GLIPR1L2: variants seen among roughly 807,000 people sequenced by gnomAD.
GLIPR1L2 encodes GLIPR1-like protein 2.
A neutral mutation model predicts 28.4 loss-of-function variants in GLIPR1L2; 21 were observed. The observed-to-expected ratio is 0.74, with a 90% CI of 0.52 to 1.06. GLIPR1L2 has a LOEUF of 1.06. Ranked by LOEUF, GLIPR1L2 falls within the 50% of genes least tolerant of loss-of-function variation. The pLI is 0.00. For synonymous variants in GLIPR1L2, 145 were observed against 139.3 expected (o/e 1.04, Z -0.29); for missense variants, 476 against 416.9 (o/e 1.14, Z -1.23).
intron 4 of GLIPR1L2, among the ~76,000 whole-genome samples, chr12:75,428,087 G>A (rs2046052738): frequency 6.6e-6 from 1 of 152,190 alleles, no homozygotes; most frequent in African/African-American, 2.4e-5. Context: ...ACCATTTGGA[G>A]GGCTCAGAAG....
intron 2 of GLIPR1L2, among the ~76,000 whole-genome samples, chr12:75,411,914 A>G (rs1193441430): frequency 1.3e-5 from 2 of 151,932 alleles, no homozygotes; most frequent in African/African-American, 2.4e-5. Context: ...TTTTACAGAT[A>G]ATTTCTGGAA....
intron 4 of GLIPR1L2, among the ~76,000 whole-genome samples, chr12:75,424,403 C>T (rs1219118953): frequency 2.6e-5 from 4 of 152,088 alleles, no homozygotes; most frequent in South Asian, 2.1e-4. Context: ...GCCCACTTTT[C>T]GATGGGGTTG....
intron 4 of GLIPR1L2, among the ~76,000 whole-genome samples, chr12:75,424,276 G>T (rs1347198621): frequency 2.0e-5 from 3 of 152,134 alleles, no homozygotes; most frequent in Non-Finnish European, 4.4e-5. Context: ...GGCATGAGAT[G>T]GTATCTCATT....
intron 1 of GLIPR1L2, among the ~76,000 whole-genome samples, chr12:75,400,470 G>A (rs1285650888): frequency 6.6e-6 from 1 of 152,094 alleles, no homozygotes; most frequent in Non-Finnish European, 1.5e-5. Flanking sequence ...TCTTGGAAAA[G>A]CAAGGTACAT....
At chr12:75,422,183 G>A (rs998070777) in intron 3 of GLIPR1L2, among the ~76,000 whole-genome samples, 4 of 151,688 alleles carry the variant, frequency 2.6e-5, no homozygotes, top group African/African-American at 9.7e-5. Context: ...TTGAAGAGAC[G>A]AGGTCTTGCT....
In GLIPR1L2 at chr12:75,430,096, T is replaced by C. The variant is rs557212320; in HGVS notation, c.671-619T>C. On this transcript the variant is annotated intron_variant, in intron 4 of 5. Transcript: ENST00000550916. ...GACTACAGGCAAAACCTCTTTTCTT[T>C]GTAAATTACCCAGTCTCAGGTAGTT... Among the ~76,000 whole-genome samples, 6 of 152,112 alleles carry C rather than the reference T, an allele frequency of 3.9e-5. No homozygotes were observed. The South Asian group carries it at 1.2e-3, about 32-fold the overall frequency.
intron 1 of GLIPR1L2, among the ~76,000 whole-genome samples, chr12:75,392,034 TG>T (rs1485199121): frequency 6.6e-6 from 1 of 152,178 alleles, no homozygotes; most frequent in African/African-American, 2.4e-5. Flanking sequence ...AACTATTCCC[TG>T]GTTGCTATTG....
At chr12:75,420,250 C>T (rs2045963552) in intron 3 of GLIPR1L2, among the ~76,000 whole-genome samples, 2 of 152,208 alleles carry the variant, frequency 1.3e-5, no homozygotes, top group Admixed American at 1.3e-4. Flanking sequence ...GCTAGGTTGT[C>T]AAGCTATGGG....
intron 4 of GLIPR1L2, 72 bp downstream of exon 4, chr12:75,423,061 A>C: frequency 6.2e-7 from 1 of 1,603,000 alleles, no homozygotes; most frequent in Non-Finnish European, 8.5e-7. Context: ...ATTGAACACT[A>C]GTTTTTTATG....
Position 75,410,657 on chromosome 12 carries a change from G to A in GLIPR1L2, c.458G>A (p.Gly153Glu). The change falls in exon 2 of 6, where the codon GGA becomes GAA. Residue 153 changes from glycine (G) to glutamate (E), a missense_variant. Gly to Glu is a moderately conservative substitution (Grantham distance 98). Transcript: ENST00000550916. ...MYNFENGSCSGDCSNYIQLVW... is the reference protein window; with the variant it reads ...MYNFENGSCSEDCSNYIQLVW... ...AATTTTGAAAATGGCAGTTGCTCTG[G>A]AGACTGTTCTAATTATATTCAGGTA... 1 of 1,607,636 alleles carries A rather than the reference G, an allele frequency of 6.2e-7. No homozygotes were observed. The highest frequency in any genetic ancestry group is 2.2e-5 in the East Asian group (1 of 44,746).
chr12:75,413,668 A>C lies in GLIPR1L2; in HGVS notation c.551A>C (p.His184Pro). The C allele has an allele frequency of 6.5e-7, 1 of 1,541,862 alleles. No individual in the cohort carries two copies. The highest frequency in any genetic ancestry group is 8.7e-7 in the Non-Finnish European group (1 of 1,145,646). The change falls in exon 3 of 6, where the codon CAT becomes CCT. Residue 184 changes from histidine to proline, a missense_variant. His to Pro is a moderately conservative substitution (Grantham distance 77, BLOSUM62 -2). Coordinates refer to ENST00000550916, the MANE Select transcript of GLIPR1L2 (RefSeq NM_001270396.2). ...TGTTCAAAAATTGGACATATTATAC[A>C]TGCAGCAATTTTCATATGCAACTAT... ...TPCSKIGHII[H>P]AAIFICNYAP...
At chr12:75,420,999 T>C (rs2045970835) in intron 3 of GLIPR1L2, among the ~76,000 whole-genome samples, 1 of 152,200 alleles carries the variant, frequency 6.6e-6, no homozygotes, top group African/African-American at 2.4e-5. Context: ...GACATTATGA[T>C]CTTGGGGTGA....
intron 4 of GLIPR1L2, among the ~76,000 whole-genome samples, chr12:75,425,032 G>A (rs1340022168): frequency 1.3e-5 from 2 of 152,128 alleles, no homozygotes; most frequent in Non-Finnish European, 2.9e-5. Context: ...GCAAGGTGAG[G>A]ATGCTGTCCA....
chr12:75,412,493 T>G (rs1173668154), intron 2 of GLIPR1L2, among the ~76,000 whole-genome samples: 1 of 151,762 alleles, frequency 6.6e-6, no homozygotes, highest in East Asian at 1.9e-4. Flanking sequence ...CAAACAAATT[T>G]ACAAGAAAAA....
intron 3 of GLIPR1L2, among the ~76,000 whole-genome samples, chr12:75,416,123 G>C (rs546707903): frequency 3.9e-5 from 6 of 152,224 alleles, no homozygotes; most frequent in East Asian, 1.9e-4. Context: ...CGATTGGCTT[G>C]AGTTTAGGGA....
At chr12:75,391,872 T>C (rs1175552796) in intron 1 of GLIPR1L2, among the ~76,000 whole-genome samples, 1 of 112,420 alleles carries the variant, frequency 8.9e-6, no homozygotes, top group Non-Finnish European at 1.9e-5. Context: ...ATGTTTGTTA[T>C]CTTGATTTTT....
chr12:75,424,999 G>T (rs777888344), intron 4 of GLIPR1L2, among the ~76,000 whole-genome samples: 10 of 152,140 alleles, frequency 6.6e-5, no homozygotes, highest in Non-Finnish European at 1.0e-4. Flanking sequence ...ACGAGATGCA[G>T]TGGGCACGGA....
chr12:75,412,418 T>C (rs9796001), intron 2 of GLIPR1L2, among the ~76,000 whole-genome samples: 75,852 of 151,742 alleles, frequency 0.5, 19,315 homozygotes, highest in East Asian at 0.58. Flanking sequence ...ACCTACAAAA[T>C]GGGGGAAAAT....
At chr12:75,395,605 T>G (rs2045673991) in intron 1 of GLIPR1L2, among the ~76,000 whole-genome samples, 1 of 151,614 alleles carries the variant, frequency 6.6e-6, no homozygotes, top group Non-Finnish European at 1.5e-5. Context: ...TTGGGAGATT[T>G]GTATTACTGA....
Sources: allele counts gnomAD v4.1 joint callset (sites outside exome capture counted in the v4.1 genomes callset), GRCh38; gene constraint gnomAD v4.1.1; transcripts MANE v1.5; gene names NCBI Gene and HGNC (gene_info 2026-07-23, HGNC 2026-07-21).